The following BBX variants were observed in gnomAD, a reference collection of about 807,000 sequenced individuals.
BBX encodes the protein BBX high mobility group box domain containing.
Under a neutral mutation model 100.2 loss-of-function variants are expected in BBX, and 30 were observed. That is an observed-to-expected ratio of 0.30 (90% CI 0.22 to 0.41). The LOEUF is 0.41. Among genes scored for constraint, BBX ranks in the 10% least tolerant of loss-of-function variants. The pLI is 1.00. For missense variants in BBX, 1,023 were observed against 1,129.8 expected, an observed-to-expected ratio of 0.91 and a Z score of 1.35; for synonymous variants, 376 against 388.1, an observed-to-expected ratio of 0.97 and a Z score of 0.37.
At chr3:107,726,439 T>C (rs973306471) in intron 5 of BBX, among the ~76,000 whole-genome samples, 1 of 140,976 alleles carries the variant, frequency 7.1e-6, no homozygotes, top group African/African-American at 2.5e-5. Context: ...ATCTCTCACG[T>C]TCTTAACTCT....
intron 2 of BBX, among the ~76,000 whole-genome samples, chr3:107,638,718 A>G (rs1228431187): frequency 6.8e-6 from 1 of 146,398 alleles, no homozygotes; most frequent in Non-Finnish European, 1.5e-5. Context: ...CAGGAGTTCA[A>G]GATGCCAGCC....
intron 10 of BBX, among the ~76,000 whole-genome samples, chr3:107,759,044 G>A (rs1228024624): frequency 6.6e-6 from 1 of 152,148 alleles, no homozygotes; most frequent in Non-Finnish European, 1.5e-5. Context: ...TATATTTACT[G>A]CTGTGCCCTG....
In BBX at chr3:107,716,614, TTCTTGGGGCCGATGGCCTAGAG is replaced by T; in HGVS notation, c.171_192del (p.Leu58LysfsTer20). ...TGTTTTTGGTGGTAATAGGTTCAACTTCTTGGGGCCGATGGCCTAGAGCAAGATGTTGGTGAAACTGAAGATG... is the reference window on the plus strand; with the variant it reads ...TGTTTTTGGTGGTAATAGGTTCAACTCAAGATGTTGGTGAAACTGAAGATG... On this transcript the variant is annotated frameshift_variant, in exon 5 of 18. Transcript: ENST00000325805. LOFTEE classifies it high-confidence loss of function. The T allele has an allele frequency of 6.2e-7, 1 of 1,613,550 alleles. No homozygotes were observed. Among genetic ancestry groups the T allele is most frequent in the Non-Finnish European group, 8.5e-7 (1 of 1,179,568 alleles).
At chr3:107,785,826 A>G (rs2068362055) in intron 13 of BBX, among the ~76,000 whole-genome samples, 1 of 152,086 alleles carries the variant, frequency 6.6e-6, no homozygotes, top group Admixed American at 6.6e-5. Context: ...GGTTCTAGCC[A>G]GGGCAATTAG....
intron 3 of BBX, among the ~76,000 whole-genome samples, chr3:107,708,126 A>T (rs1400230322): frequency 6.6e-6 from 1 of 152,206 alleles, no homozygotes; most frequent in African/African-American, 2.4e-5. Context: ...AAATTGAGTT[A>T]CCTGTGCCAA....
At chr3:107,553,046 T>C (rs755695770) in intron 2 of BBX, among the ~76,000 whole-genome samples, 11 of 152,242 alleles carry the variant, frequency 7.2e-5, no homozygotes, top group Non-Finnish European at 1.5e-4. Context: ...AACAGTGATC[T>C]CAGGGTGCTA....
rs186902552 is a variant in BBX at position 107,765,704 on chromosome 3, T to C, written c.907-6924T>C. Among the ~76,000 whole-genome samples the C allele has an allele frequency of 2.8e-4, 42 of 152,304 alleles. No individual in the cohort carries two copies. The East Asian group carries it at 5.0e-3, about 18-fold the overall frequency. On this transcript the variant is annotated intron_variant, in intron 10 of 17. Transcript: ENST00000325805. ...TGACCACCGATGGCTGCCGACTGCC[T>C]TTCCTCAGCTCCTGTGTCCCCTGCT...
chr3:107,810,984 A>G lies in BBX; in HGVS notation c.*5527A>G, dbSNP rs1371756994. ...GTGTAAACATGCCATGTAATAAATG[A>G]TTTCCACTTAATGGTACAACAGAAT... On this transcript the variant is annotated 3_prime_UTR_variant, in exon 18 of 18. Transcript: ENST00000325805. The G allele has an allele frequency of 2.6e-5, 4 of 151,936 alleles. No homozygotes were observed. The highest frequency in any genetic ancestry group is 9.7e-5 in the African/African-American group (4 of 41,358). 9.4% of individuals were successfully genotyped at this position (151,936 alleles called of 1,614,324 possible). A position where few individuals can be genotyped will look rare whatever the true frequency, so the allele number is the denominator to read the frequency against.
chr3:107,653,970 T>C (rs2057992691), intron 3 of BBX, among the ~76,000 whole-genome samples: 1 of 152,176 alleles, frequency 6.6e-6, no homozygotes, highest in African/African-American at 2.4e-5. Context: ...TCCATGCAGG[T>C]AGCACCTGGA....
rs1468692792 is a variant in BBX, at chr3:107,808,242, G to A, written c.*2785G>A. 3 of 152,078 alleles carry A rather than the reference G, an allele frequency of 2.0e-5. No homozygotes were observed. The highest frequency in any genetic ancestry group is 4.4e-5 in the Non-Finnish European group (3 of 68,012). The allele number at this position is 152,078 out of a possible 1,614,324, so 9.4% of individuals were successfully genotyped here. On this transcript the variant is annotated 3_prime_UTR_variant, in exon 18 of 18. Coordinates refer to ENST00000325805, the MANE Select transcript of BBX (RefSeq NM_001142568.3). ...CACAGCATCCTCAAGAGAAAAAGTTGTTGCACCTTATATATATCTCAAGCA... is the reference window on the plus strand; with the variant it reads ...CACAGCATCCTCAAGAGAAAAAGTTATTGCACCTTATATATATCTCAAGCA...
chr3:107,625,485 T>G (rs2056100267), intron 2 of BBX, among the ~76,000 whole-genome samples: 1 of 152,174 alleles, frequency 6.6e-6, no homozygotes, highest in African/African-American at 2.4e-5. Context: ...AGTTTTGCCA[T>G]GTTGTCCAGG....
intron 4 of BBX, chr3:107,711,173 G>A: frequency 8.5e-6 from 3 of 353,304 alleles, no homozygotes; most frequent in East Asian, 8.5e-5. Flanking sequence ...TCAAGTGTTC[G>A]TCCCACCCAA....
chr3:107,572,130 G>T (rs1451491039), intron 2 of BBX, among the ~76,000 whole-genome samples: 1 of 152,174 alleles, frequency 6.6e-6, no homozygotes, highest in African/African-American at 2.4e-5. Context: ...TACCCAGAAA[G>T]TACGTTACCT....
intron 2 of BBX, among the ~76,000 whole-genome samples, chr3:107,541,135 C>G (rs949165731): frequency 6.6e-6 from 1 of 152,144 alleles, no homozygotes; most frequent in African/African-American, 2.4e-5. Flanking sequence ...TTTGTTTGCT[C>G]TGTATAACCA....
At chr3:107,545,339 C>T (rs2049155089) in intron 2 of BBX, among the ~76,000 whole-genome samples, 1 of 152,128 alleles carries the variant, frequency 6.6e-6, no homozygotes, top group Non-Finnish European at 1.5e-5. Context: ...GGATTTTTAA[C>T]GTACCAAAAA....
chr3:107,630,945 C>G (rs1359107053), intron 2 of BBX, among the ~76,000 whole-genome samples: 2 of 152,134 alleles, frequency 1.3e-5, no homozygotes, highest in Admixed American at 1.3e-4. Flanking sequence ...GCCCATGGGC[C>G]CCTGATTTCC....
intron 3 of BBX, among the ~76,000 whole-genome samples, chr3:107,705,093 G>T (rs750965045): frequency 6.6e-6 from 1 of 152,098 alleles, no homozygotes; most frequent in Non-Finnish European, 1.5e-5. Flanking sequence ...AAGCAGGTGG[G>T]TCCAATTTGT....
At chr3:107,777,450 A>G (rs144433793) in intron 12 of BBX, among the ~76,000 whole-genome samples, 2 of 152,280 alleles carry the variant, frequency 1.3e-5, no homozygotes, top group African/African-American at 4.8e-5. Flanking sequence ...GCTGGTACTA[A>G]AATTGCTCTC....
chr3:107,711,821 A>T (rs2107319089), intron 4 of BBX, among the ~76,000 whole-genome samples: 1 of 150,246 alleles, frequency 6.7e-6, no homozygotes, highest in East Asian at 2.0e-4. Flanking sequence ...GAGGGCACCC[A>T]CTCCTGTTTC....
Sources: gnomAD v4.1 joint callset for allele counts (sites outside exome capture counted in the v4.1 genomes callset) on GRCh38, gnomAD v4.1.1 for gene constraint, MANE v1.5 for transcripts, NCBI Gene and HGNC (gene_info 2026-07-23, HGNC 2026-07-21) for gene names.